The following ACACA variants were observed in gnomAD, a reference collection of about 807,000 sequenced individuals.
ACACA encodes acetyl-CoA carboxylase 1.
ACACA carries 103 observed loss-of-function variants against 296.1 expected under a neutral mutation model. The ratio of observed to expected loss-of-function variants is 0.35; its 90% CI spans 0.30 to 0.41. The LOEUF (loss-of-function observed/expected upper bound fraction) is 0.41. Among genes scored for constraint, ACACA ranks in the 10% least tolerant of loss-of-function variants. The probability of loss-of-function intolerance (pLI) is 1.00; values close to 1 mark genes in which losing one functional copy is unlikely to be tolerated. For synonymous variants in ACACA, 953 were observed against 1,038.6 expected, an observed-to-expected ratio of 0.92 and a Z score of 1.58; for missense variants, 1,554 against 2,989.7, an observed-to-expected ratio of 0.52 and a Z score of 11.20.
intron 15 of ACACA, 48 bp downstream of exon 15, chr17:37,252,838 A>G: frequency 6.2e-7 from 1 of 1,607,936 alleles, no homozygotes; most frequent in Admixed American, 1.7e-5. Flanking sequence ...TGAGTACACA[A>G]GTCTATAAAA....
At chr17:37,263,588 C>A in intron 11 of ACACA, 97 bp downstream of exon 11, 1 of 1,041,010 alleles carries the variant, frequency 9.6e-7, no homozygotes. Context: ...TATTCAGAAT[C>A]GTTGCTTAAA....
chr17:37,230,624 G>A (rs1339730593), intron 25 of ACACA, among the ~76,000 whole-genome samples: 1 of 152,048 alleles, frequency 6.6e-6, no homozygotes, highest in African/African-American at 2.4e-5. Context: ...CAGCATTCAG[G>A]TTCTGCAAGA....
At chr17:37,264,594 T>C (rs2146300381) in intron 10 of ACACA, among the ~76,000 whole-genome samples, 1 of 152,326 alleles carries the variant, frequency 6.6e-6, no homozygotes, top group East Asian at 1.9e-4. Flanking sequence ...AGGCTCATAG[T>C]GCTTTTTGAA....
At chr17:37,326,827 TA>T (rs1039728904) in intron 3 of ACACA, among the ~76,000 whole-genome samples, 282 of 140,048 alleles carry the variant, frequency 2.0e-3, no homozygotes, top group Middle Eastern at 3.7e-3. Flanking sequence ...AGTCTCCCTC[TA>T]AAAAAAAAAA....
intron 42 of ACACA, 139 bp downstream of exon 42, chr17:37,161,642 T>G (rs1236303117): frequency 9.7e-7 from 1 of 1,035,962 alleles, no homozygotes; most frequent in Admixed American, 2.5e-5. Context: ...TAAGGAATTT[T>G]CACAAATAAT....
intron 45 of ACACA, among the ~76,000 whole-genome samples, chr17:37,135,698 A>AGGATTT (rs1403168070): frequency 6.6e-6 from 1 of 152,150 alleles, no homozygotes; most frequent in Non-Finnish European, 1.5e-5. Context: ...AAAGACAATA[A>AGGATTT]GGATTTGAAG....
At chr17:37,144,247 T>C (rs2143921957) in intron 45 of ACACA, 1 of 689,710 alleles carries the variant, frequency 1.4e-6, no homozygotes, top group East Asian at 2.7e-5. Flanking sequence ...AAAATGCGTA[T>C]GACAACATCT....
At chr17:37,310,811 A>AAAAG (rs201613872) in intron 3 of ACACA, among the ~76,000 whole-genome samples, 136 of 149,320 alleles carry the variant, frequency 9.1e-4, no homozygotes, top group Admixed American at 9.5e-4. Context: ...AAAAAAAAAA[A>AAAAG]AAAGAAAGAA....
chr17:37,344,766 G>GT (rs1049031581), intron 1 of ACACA, among the ~76,000 whole-genome samples: 3 of 152,024 alleles, frequency 2.0e-5, no homozygotes, highest in Admixed American at 2.0e-4. Flanking sequence ...TATGTCATAC[G>GT]TTCCCCAAAA....
At chr17:37,391,149 A>G (rs2050866251) in intron 1 of ACACA, among the ~76,000 whole-genome samples, 1 of 152,190 alleles carries the variant, frequency 6.6e-6, no homozygotes, top group South Asian at 2.1e-4. Context: ...GAGGCAGGAT[A>G]ATCGCTTGAA....
intron 2 of ACACA, among the ~76,000 whole-genome samples, chr17:37,334,194 G>A (rs746976720): frequency 5.9e-5 from 9 of 151,908 alleles, no homozygotes; most frequent in African/African-American, 1.4e-4. Flanking sequence ...CTAAGAATCC[G>A]AAACTCTCCC....
At position 37,191,054 on chromosome 17, in the gene ACACA, T is replaced by C. The variant is rs371339889; in HGVS notation, c.4572+66A>G. The C allele has an allele frequency of 8.9e-6, 14 of 1,577,608 alleles. No homozygotes were observed. The East Asian group carries it at 1.6e-4, about 18-fold the overall frequency. ...TACCTGTTTCCAAGTCCAAGTGAGA[T>C]AAATATGAATGAACTTCTGTGCTTA... is the stretch of plus-strand genomic sequence containing the variant. On this transcript the variant is annotated intron_variant, in intron 38 of 55. Coordinates refer to ENST00000616317, the MANE Select transcript of ACACA (RefSeq NM_198834.3).
chr17:37,173,262 G>T lies in ACACA; in HGVS notation c.5079+5998C>A, dbSNP rs185228788. On this transcript the variant is annotated intron_variant, in intron 41 of 55. Transcript: ENST00000616317. ...GCTTTCCACTAGAATCTGAGTCCAG[G>T]ATAACCCAAGCAATTCCTTTGAGGG... 3.3e-5 allele frequency among the ~76,000 whole-genome samples: 5 copies of T among 152,262 alleles called. No individual in the cohort carries two copies. In the East Asian group the frequency reaches 9.7e-4, roughly 29 times the overall value.
intron 21 of ACACA, among the ~76,000 whole-genome samples, chr17:37,243,783 T>G (rs1297747391): frequency 1.3e-5 from 2 of 152,144 alleles, no homozygotes; most frequent in Non-Finnish European, 2.9e-5. Context: ...GCTGAAAAAA[T>G]CCACATATAA....
chr17:37,150,924 C>T (rs891378390), intron 44 of ACACA, among the ~76,000 whole-genome samples: 17 of 150,910 alleles, frequency 1.1e-4, no homozygotes, highest in African/African-American at 3.7e-4. Context: ...TGGTGGCACT[C>T]GCCTGTAGTC....
chr17:37,375,814 C>T (rs1006710269), intron 1 of ACACA, among the ~76,000 whole-genome samples: 1 of 152,152 alleles, frequency 6.6e-6, no homozygotes, highest in Non-Finnish European at 1.5e-5. Context: ...CCTTCCTGCT[C>T]GAGAAACCTC....
chr17:37,329,640 CA>C (rs34870931), intron 3 of ACACA, among the ~76,000 whole-genome samples: 297 of 119,306 alleles, frequency 2.5e-3, no homozygotes, highest in Middle Eastern at 5.3e-3. Context: ...GACTCTATCT[CA>C]AAAAAAAAAA....
rs758528113 is a variant in ACACA, at chr17:37,406,310, T to C, written c.-11A>G. The C allele has an allele frequency of 1.9e-6, 3 of 1,614,182 alleles. No homozygotes were observed. The highest frequency in any genetic ancestry group is 1.6e-4 in the Middle Eastern group (1 of 6,062). On this transcript the variant is annotated 5_prime_UTR_variant, in exon 1 of 56. It removes an upstream start codon present in the reference 5' UTR. Transcript: ENST00000616317. ...AGTAGACCACCACATCCTCTCATCA[T>C]TGCGCCTCAATTTGGGCCTCTGAAG...
At chr17:37,286,347 C>A (rs9915232) in intron 3 of ACACA, among the ~76,000 whole-genome samples, 74 of 152,280 alleles carry the variant, frequency 4.9e-4, no homozygotes, top group African/African-American at 1.3e-3. Flanking sequence ...AATAATTTAA[C>A]CTTTTCAGCT....
Sources: gnomAD v4.1 joint callset for allele counts (sites outside exome capture counted in the v4.1 genomes callset) on GRCh38, gnomAD v4.1.1 for gene constraint, MANE v1.5 for transcripts, NCBI Gene and HGNC (gene_info 2026-07-23, HGNC 2026-07-21) for gene names.